Variants in HNF4G observed in about 807,000 individuals in gnomAD.
HNF4G encodes hepatocyte nuclear factor 4 gamma.
A neutral mutation model predicts 50.9 loss-of-function variants in HNF4G; 21 were observed. The observed-to-expected ratio is 0.41, with a 90% CI of 0.29 to 0.59. HNF4G has a LOEUF of 0.59. Among genes scored for constraint, HNF4G ranks in the 20% least tolerant of loss-of-function variants. HNF4G has a pLI of 0.26. For missense variants in HNF4G, 527 were observed against 559.4 expected, an observed-to-expected ratio of 0.94 and a Z score of 0.58; for synonymous variants, 198 against 185.6, an observed-to-expected ratio of 1.07 and a Z score of -0.54.
intron 6 of HNF4G, 46 bp from the exon 7 acceptor site, chr8:75,558,472 A>G (rs774479325): frequency 1.9e-6 from 3 of 1,567,488 alleles, no homozygotes; most frequent in Non-Finnish European, 8.7e-7. Flanking sequence ...ATTTGGGGAG[A>G]CAGGTGGTTA....
intron 2 of HNF4G, among the ~76,000 whole-genome samples, chr8:75,516,437 G>T (rs1273079936): frequency 6.6e-6 from 1 of 151,930 alleles, no homozygotes; most frequent in Non-Finnish European, 1.5e-5. Flanking sequence ...TATACTTTAT[G>T]TGATTTTTAT....
chr8:75,530,430 TA>T (rs5892497), intron 2 of HNF4G, among the ~76,000 whole-genome samples: 73 of 146,434 alleles, frequency 5.0e-4, no homozygotes, highest in Admixed American at 1.2e-3. Context: ...CCACCAGTAA[TA>T]AAAAAAAAAA....
intron 1 of HNF4G, 84 bp from the exon 2 acceptor site, chr8:75,543,727 T>C (rs1563548219): frequency 1.7e-6 from 2 of 1,190,304 alleles, no homozygotes; most frequent in Non-Finnish European, 1.2e-6. Flanking sequence ...GAATGGAGTG[T>C]TATGAGCCTA....
intron 1 of HNF4G, among the ~76,000 whole-genome samples, chr8:75,410,474 C>T (rs1205685071): frequency 6.6e-6 from 1 of 152,084 alleles, no homozygotes; most frequent in Admixed American, 6.5e-5. Context: ...GAATTAAATA[C>T]ACTTGAATAT....
intron 2 of HNF4G, among the ~76,000 whole-genome samples, chr8:75,534,494 A>T (rs1806409961): frequency 6.6e-6 from 1 of 151,886 alleles, no homozygotes; most frequent in African/African-American, 2.4e-5. Flanking sequence ...CTATCCTAAC[A>T]GTAACTGATT....
chr8:75,444,701 A>C (rs1029305036), intron 1 of HNF4G, among the ~76,000 whole-genome samples: 5 of 109,508 alleles, frequency 4.6e-5, no homozygotes, highest in Non-Finnish European at 5.6e-5. Flanking sequence ...CATAATGATA[A>C]AGGGATCAAT....
In HNF4G at chr8:75,501,008, A is replaced by G. The variant is rs560381962; in HGVS notation, c.-24+10800A>G. On this transcript the variant is annotated intron_variant, in intron 2 of 10. Transcript: ENST00000354370. Reference sequence around the variant, plus strand: ...AAATAAATATAATAAACATGTATCTATATATAAAATGTGTTTATAGTTTAT... The same window carrying G: ...AAATAAATATAATAAACATGTATCTGTATATAAAATGTGTTTATAGTTTAT... Among the ~76,000 whole-genome samples the G allele has an allele frequency of 4.6e-5, 7 of 152,084 alleles. No homozygotes were observed. The South Asian group carries it at 1.4e-3, about 31-fold the overall frequency.
chr8:75,484,546 T>C (rs1812453373), intron 1 of HNF4G, among the ~76,000 whole-genome samples: 1 of 152,250 alleles, frequency 6.6e-6, no homozygotes, highest in Non-Finnish European at 1.5e-5. Context: ...AAGCCTTTGC[T>C]GATCTGCAGG....
rs190102793 is a variant in HNF4G at position 75,517,506 on chromosome 8, A to C, written c.-23-26305A>C. On this transcript the variant is annotated intron_variant, in intron 2 of 10. Transcript: ENST00000354370. ...TAAATACACCTGTTCCAAATGGGAA[A>C]AATTGGCCAAAATAAAGGGGCTACA... Among the ~76,000 whole-genome samples, 228 of 152,292 alleles carry C rather than the reference A, an allele frequency of 1.5e-3. 1 individual carries two copies. Among genetic ancestry groups the C allele is most frequent in the Non-Finnish European group, 2.6e-3 (176 of 68,026 alleles).
intron 1 of HNF4G, among the ~76,000 whole-genome samples, chr8:75,480,268 G>A (rs1245505449): frequency 6.6e-6 from 1 of 152,132 alleles, no homozygotes; most frequent in Admixed American, 6.5e-5. Context: ...CCTTCTTTGA[G>A]CAGCGCACAT....
chr8:75,531,557 T>TC (rs1240693899), intron 2 of HNF4G, among the ~76,000 whole-genome samples: 1 of 152,090 alleles, frequency 6.6e-6, no homozygotes, highest in Non-Finnish European at 1.5e-5. Context: ...GGATGAAATA[T>TC]CCCTTTTTCA....
At chr8:75,563,357 A>T (rs1463800168) in intron 9 of HNF4G, among the ~76,000 whole-genome samples, 2 of 152,018 alleles carry the variant, frequency 1.3e-5, no homozygotes, top group Non-Finnish European at 2.9e-5. Context: ...TTTATATTCA[A>T]TTACTCAGGC....
intron 1 of HNF4G, among the ~76,000 whole-genome samples, chr8:75,444,026 G>T (rs894310390): frequency 1.3e-5 from 2 of 152,196 alleles, no homozygotes; most frequent in Non-Finnish European, 2.9e-5. Flanking sequence ...GGCAGCCAGA[G>T]AGAAAGGTCG....
At chr8:75,472,798 T>C (rs1245552854) in intron 1 of HNF4G, among the ~76,000 whole-genome samples, 1 of 152,204 alleles carries the variant, frequency 6.6e-6, no homozygotes, top group Admixed American at 6.5e-5. Flanking sequence ...TTTGCTGTGC[T>C]CATTATTATT....
chr8:75,408,959 G>T (rs182939425), intron 1 of HNF4G, among the ~76,000 whole-genome samples: 1 of 152,202 alleles, frequency 6.6e-6, no homozygotes, highest in East Asian at 1.9e-4. Context: ...TTTAGAAGCG[G>T]TTATTTGTCA....
chr8:75,548,747 A>C (rs1044456877), intron 3 of HNF4G, among the ~76,000 whole-genome samples: 5 of 152,200 alleles, frequency 3.3e-5, no homozygotes, highest in Non-Finnish European at 7.3e-5. Flanking sequence ...TCACAAACTA[A>C]AATAATCAAA....
At chr8:75,524,524 AT>A (rs913029253) in intron 2 of HNF4G, among the ~76,000 whole-genome samples, 8 of 152,176 alleles carry the variant, frequency 5.3e-5, no homozygotes, top group African/African-American at 1.9e-4. Context: ...TATGTTACAT[AT>A]TTTTATTATA....
At position 75,447,650 on chromosome 8, in the gene HNF4G, T is replaced by G. The variant is rs1160083540; in HGVS notation, c.-144+39488T>G. On this transcript the variant is annotated intron_variant, in intron 1 of 10. Coordinates refer to the HNF4G transcript ENST00000354370. ...CATGAACAGACACTTCTCAAAAGAA[T>G]ACATTTATACAGCCAAAAAACACAT... 2.8e-4 allele frequency among the ~76,000 whole-genome samples: 42 copies of G among 152,152 alleles called. 2 individuals carry two copies. The highest frequency in any genetic ancestry group is 4.1e-4 in the South Asian group (2 of 4,826).
chr8:75,475,947 A>T (rs11996138), intron 1 of HNF4G, among the ~76,000 whole-genome samples: 63,771 of 151,580 alleles, frequency 0.42, 15,833 homozygotes, highest in African/African-American at 0.7. Flanking sequence ...TATTTTTAAA[A>T]TTTTTTTTAT....
Sources: allele counts gnomAD v4.1 joint callset (sites outside exome capture counted in the v4.1 genomes callset), GRCh38; gene constraint gnomAD v4.1.1; transcripts MANE v1.5; gene names NCBI Gene and HGNC (gene_info 2026-07-23, HGNC 2026-07-21).